LDB2: variants seen among roughly 807,000 people sequenced by gnomAD.
The protein encoded by LDB2 is LIM domain-binding protein 2.
LDB2 carries 12 observed loss-of-function variants against 44.3 expected under a neutral mutation model. The ratio of observed to expected loss-of-function variants is 0.27; its 90% CI spans 0.17 to 0.44. The LOEUF is 0.44. Among genes scored for constraint, LDB2 ranks in the 20% least tolerant of loss-of-function variants. The probability of loss-of-function intolerance (pLI) is 1.00; values close to 1 mark genes in which losing one functional copy is unlikely to be tolerated. For synonymous variants in LDB2, 164 were observed against 174.8 expected, an observed-to-expected ratio of 0.94 and a Z score of 0.49; for missense variants, 344 against 473.5, an observed-to-expected ratio of 0.73 and a Z score of 2.54.
intron 1 of LDB2, among the ~76,000 whole-genome samples, chr4:16,815,795 T>C (rs1348755645): frequency 6.6e-6 from 1 of 152,242 alleles, no homozygotes; most frequent in Non-Finnish European, 1.5e-5. Context: ...TTAATGATTG[T>C]TGCTCAGCTG....
At chr4:16,816,156 G>A (rs139747444) in intron 1 of LDB2, among the ~76,000 whole-genome samples, 160 of 152,038 alleles carry the variant, frequency 1.1e-3, no homozygotes, top group African/African-American at 3.4e-3. Context: ...TGCAGTGAGC[G>A]ATCACGCCAT....
At position 16,898,316 on chromosome 4, in the gene LDB2, A is replaced by G. The variant is rs770827991; in HGVS notation, c.132+38T>C. 2 of 1,596,904 alleles carry G rather than the reference A, an allele frequency of 1.3e-6. 1 individual carries two copies. Among genetic ancestry groups the G allele is most frequent in the South Asian group, 2.2e-5 (2 of 89,592 alleles). ...GGAAAAGCTCATGCATAGCTTAACA[A>G]AAATACACAAACACATCCCCAAGGT... is the stretch of plus-strand genomic sequence containing the variant. On this transcript the variant is annotated intron_variant, in intron 1 of 7. Transcript: ENST00000304523.
chr4:16,572,984 T>C (rs1385866275), intron 5 of LDB2, among the ~76,000 whole-genome samples: 1 of 152,222 alleles, frequency 6.6e-6, no homozygotes, highest in Non-Finnish European at 1.5e-5. Flanking sequence ...GGCCGAATCC[T>C]CACCTTCTCT....
chr4:16,590,974 G>A (rs542455960), intron 3 of LDB2, among the ~76,000 whole-genome samples: 2 of 152,254 alleles, frequency 1.3e-5, no homozygotes, highest in Admixed American at 6.5e-5. Flanking sequence ...CTGGGGTGTC[G>A]GCATGACAGA....
intron 1 of LDB2, among the ~76,000 whole-genome samples, chr4:16,849,830 C>G (rs1424364662): frequency 6.6e-6 from 1 of 152,162 alleles, no homozygotes; most frequent in African/African-American, 2.4e-5. Context: ...AAGGCAGACA[C>G]CAGCTCTTAG....
At chr4:16,837,083 G>T (rs1012481840) in intron 1 of LDB2, among the ~76,000 whole-genome samples, 11 of 152,288 alleles carry the variant, frequency 7.2e-5, no homozygotes, top group South Asian at 6.2e-4. Flanking sequence ...GAGAAAAACA[G>T]TTCATGGAAT....
At position 16,545,309 on chromosome 4, in the gene LDB2, G is replaced by A. The variant is rs117117362; in HGVS notation, c.616-33205C>T. 1.3e-4 allele frequency among the ~76,000 whole-genome samples: 20 copies of A among 152,130 alleles called. No homozygotes were observed. In the East Asian group the frequency reaches 3.9e-3, roughly 29 times the overall value. ...TCTGGTGCTCTTCACAGAATGAAGGGCCTTGGGTTTCCTCCTGATACCCCA... is the reference window on the plus strand; with the variant it reads ...TCTGGTGCTCTTCACAGAATGAAGGACCTTGGGTTTCCTCCTGATACCCCA... On this transcript the variant is annotated intron_variant, in intron 5 of 7. Coordinates refer to ENST00000304523, the MANE Select transcript of LDB2 (RefSeq NM_001290.5).
chr4:16,550,486 G>C (rs1737283956), intron 5 of LDB2, among the ~76,000 whole-genome samples: 1 of 152,204 alleles, frequency 6.6e-6, no homozygotes, highest in Non-Finnish European at 1.5e-5. Flanking sequence ...CTGTGTGAAA[G>C]TCATAATTTT....
At chr4:16,511,413 C>A (rs566829975) in intron 6 of LDB2, among the ~76,000 whole-genome samples, 1 of 152,252 alleles carries the variant, frequency 6.6e-6, no homozygotes, top group African/African-American at 2.4e-5. Flanking sequence ...CTTATATATT[C>A]TCTTCATGAT....
chr4:16,548,136 G>C (rs111457772), intron 5 of LDB2, among the ~76,000 whole-genome samples: 1 of 151,732 alleles, frequency 6.6e-6, no homozygotes, highest in East Asian at 1.9e-4. Context: ...AACTTTCCTG[G>C]TTCTTGACCC....
At chr4:16,508,406 A>G in intron 7 of LDB2, 129 bp downstream of exon 7, 1 of 811,152 alleles carries the variant, frequency 1.2e-6, no homozygotes, top group Non-Finnish European at 1.8e-6. Flanking sequence ...CCTGTCTTTT[A>G]TCCCTCCCCC....
intron 2 of LDB2, among the ~76,000 whole-genome samples, chr4:16,613,891 A>G (rs1726386303): frequency 6.6e-6 from 1 of 152,184 alleles, no homozygotes. Context: ...CTACATTGAC[A>G]TTCTTCACAG....
intron 1 of LDB2, among the ~76,000 whole-genome samples, chr4:16,845,174 A>G (rs938108457): frequency 6.6e-6 from 1 of 152,174 alleles, no homozygotes; most frequent in Non-Finnish European, 1.5e-5. Context: ...TGGTCCCTGA[A>G]GCTCTAGAGG....
intron 2 of LDB2, among the ~76,000 whole-genome samples, chr4:16,601,262 C>G (rs563766314): frequency 2.0e-5 from 3 of 152,234 alleles, no homozygotes; most frequent in African/African-American, 4.8e-5. Flanking sequence ...ATACCCTTAC[C>G]AAACTGCAAT....
At chr4:16,678,985 C>T (rs1211839778) in intron 2 of LDB2, among the ~76,000 whole-genome samples, 1 of 151,996 alleles carries the variant, frequency 6.6e-6, no homozygotes, top group Admixed American at 6.6e-5. Flanking sequence ...AATAGAGAAC[C>T]CAAGAAATAC....
At chr4:16,622,121 C>CTTGTGAATAA (rs1729049772) in intron 2 of LDB2, among the ~76,000 whole-genome samples, 1 of 152,112 alleles carries the variant, frequency 6.6e-6, no homozygotes. Flanking sequence ...TTTGTTTTGC[C>CTTGTGAATAA]TTTGCGGCCA....
intron 2 of LDB2, among the ~76,000 whole-genome samples, chr4:16,710,772 A>G (rs142956056): frequency 0.011 from 1,672 of 152,314 alleles, 31 homozygotes; most frequent in African/African-American, 0.037. Flanking sequence ...GCCAAGGGTC[A>G]TCCTTTTTTA....
chr4:16,681,778 A>G lies in LDB2; in HGVS notation c.235+77380T>C, dbSNP rs375914246. 1.9e-3 allele frequency among the ~76,000 whole-genome samples: 295 copies of G among 151,924 alleles called. 4 individuals are homozygous for G. The highest frequency in any genetic ancestry group is 0.01 in the Middle Eastern group (3 of 294). On this transcript the variant is annotated intron_variant, in intron 2 of 7. Coordinates refer to ENST00000304523, the MANE Select transcript of LDB2 (RefSeq NM_001290.5). ...AGTAGAGACGGGGTTTCACCGTGTT[A>G]GCCAGGATGGTCTGGATCTTCTGAC...
At chr4:16,695,052 G>C (rs1163075334) in intron 2 of LDB2, among the ~76,000 whole-genome samples, 9 of 152,114 alleles carry the variant, frequency 5.9e-5, no homozygotes, top group Non-Finnish European at 1.5e-5. Flanking sequence ...AGTTTTGCAA[G>C]TTGCATTTCA....
Sources: allele counts gnomAD v4.1 joint callset (sites outside exome capture counted in the v4.1 genomes callset), GRCh38; gene constraint gnomAD v4.1.1; transcripts MANE v1.5; gene names NCBI Gene and HGNC (gene_info 2026-07-23, HGNC 2026-07-21).